CCSER1: variants seen among roughly 807,000 people sequenced by gnomAD.
CCSER1 encodes coiled-coil serine rich protein 1.
CCSER1 carries 41 observed loss-of-function variants against 82.0 expected under a neutral mutation model. That is an observed-to-expected ratio of 0.50 (90% confidence interval 0.39 to 0.65). The LOEUF (loss-of-function observed/expected upper bound fraction) is 0.65, where lower values mean the gene tolerates loss of function less well. Among genes scored for constraint, CCSER1 ranks in the 30% least tolerant of loss-of-function variants. CCSER1 has a pLI of 0.00. For synonymous variants in CCSER1, 414 were observed against 383.9 expected (o/e 1.08, Z -0.92); for missense variants, 1,119 against 1,064.2 (o/e 1.05, Z -0.72).
At chr4:91,353,558 A>G (rs1748623755) in intron 10 of CCSER1, among the ~76,000 whole-genome samples, 1 of 152,236 alleles carries the variant, frequency 6.6e-6, no homozygotes, top group Non-Finnish European at 1.5e-5. Context: ...TGAGTATACA[A>G]CAATATAAAA....
rs543337859 is a variant in CCSER1, at chr4:90,774,916, C to T, written c.2011-40846C>T. On this transcript the variant is annotated intron_variant, in intron 7 of 10. Coordinates refer to ENST00000509176, the MANE Select transcript of CCSER1 (RefSeq NM_001145065.2). ...GACCTGTAGGTAAGAGTACAATCCT[C>T]AGCCTTAAAAATGGACAGCTATCAT... is the stretch of plus-strand genomic sequence containing the variant. Among the ~76,000 whole-genome samples, 7 of 152,262 alleles carry T rather than the reference C, an allele frequency of 4.6e-5. No homozygotes were observed. The East Asian group carries it at 1.2e-3, about 25-fold the overall frequency.
At chr4:91,421,958 G>A (rs952970268) in intron 10 of CCSER1, among the ~76,000 whole-genome samples, 1 of 152,056 alleles carries the variant, frequency 6.6e-6, no homozygotes, top group Non-Finnish European at 1.5e-5. Flanking sequence ...GCAAGCTTTA[G>A]AAGCTTAGAT....
chr4:91,399,916 C>T (rs952154010), intron 10 of CCSER1, among the ~76,000 whole-genome samples: 2 of 151,884 alleles, frequency 1.3e-5, no homozygotes, highest in East Asian at 1.9e-4. Context: ...CATCACTTTC[C>T]TATTTTTATA....
intron 9 of CCSER1, among the ~76,000 whole-genome samples, chr4:91,021,146 A>C (rs1174411301): frequency 6.6e-6 from 1 of 152,162 alleles, no homozygotes; most frequent in Non-Finnish European, 1.5e-5. Flanking sequence ...AGAAATTTTA[A>C]AATTTCTCAT....
At chr4:90,620,797 C>A (rs942812027) in intron 5 of CCSER1, among the ~76,000 whole-genome samples, 2 of 151,974 alleles carry the variant, frequency 1.3e-5, no homozygotes, top group African/African-American at 4.8e-5. Flanking sequence ...ACAATGACCT[C>A]TTTTCTTTTC....
chr4:90,449,701 C>A (rs1330914513), intron 4 of CCSER1, among the ~76,000 whole-genome samples: 1 of 152,242 alleles, frequency 6.6e-6, no homozygotes, highest in Non-Finnish European at 1.5e-5. Context: ...AGTTGTCAGG[C>A]TTGGCAACAA....
rs374701663 is a variant in CCSER1 at position 90,628,006 on chromosome 4, T to C, written c.1725-19T>C. On this transcript the variant is annotated intron_variant, in intron 5 of 10. Coordinates refer to ENST00000509176, the MANE Select transcript of CCSER1 (RefSeq NM_001145065.2). ...GCATGCTGCACTGTAATTTTTGTTC[T>C]TTTTTTTTTTCTTGTTAGGAATCTT... is the stretch of plus-strand genomic sequence containing the variant. The C allele has an allele frequency of 9.7e-6, 3 of 310,650 alleles. No homozygotes were observed. Among genetic ancestry groups the C allele is most frequent in the Non-Finnish European group, 1.2e-5 (3 of 245,192 alleles). 19.2% of individuals were successfully genotyped at this position (310,650 alleles called of 1,614,324 possible).
chr4:90,825,746 T>G (rs1760346497), intron 8 of CCSER1, among the ~76,000 whole-genome samples: 1 of 142,932 alleles, frequency 7.0e-6, no homozygotes, highest in African/African-American at 2.8e-5. Context: ...TTTTTTTTTT[T>G]TTGAGATGGA....
At chr4:90,621,661 A>G (rs1031756698) in intron 5 of CCSER1, among the ~76,000 whole-genome samples, 3 of 152,230 alleles carry the variant, frequency 2.0e-5, no homozygotes, top group Admixed American at 6.5e-5. Flanking sequence ...TTGCATGCCT[A>G]CTTATTGGAA....
chr4:91,389,609 C>T (rs964034773), intron 10 of CCSER1, among the ~76,000 whole-genome samples: 10 of 151,534 alleles, frequency 6.6e-5, no homozygotes, highest in African/African-American at 1.9e-4. Flanking sequence ...TTGTAAATAT[C>T]GACAAAACAA....
In CCSER1 at chr4:90,144,528, A is replaced by G. The variant is rs545192523; in HGVS notation, c.-42+16697A>G. On this transcript the variant is annotated intron_variant, in intron 1 of 10. Transcript: ENST00000509176. ...GTGGACTCAAATTTACTCAATGCAC[A>G]CAGTAAACAGCTGAGTAAACTCCTG... 5.9e-5 allele frequency among the ~76,000 whole-genome samples: 9 copies of G among 152,330 alleles called. No homozygotes were observed. The East Asian group carries it at 1.5e-3, about 26-fold the overall frequency.
intron 1 of CCSER1, among the ~76,000 whole-genome samples, chr4:90,276,337 CTTCTTTCTTTCT>C (rs1305306030): frequency 9.3e-6 from 1 of 107,904 alleles, no homozygotes; most frequent in African/African-American, 3.9e-5. Context: ...TTCTTTCTTT[CTTCTTTCTTTCT>C]TTTTTTTTTT....
chr4:91,473,354 A>G (rs954317717), intron 10 of CCSER1, among the ~76,000 whole-genome samples: 2 of 152,206 alleles, frequency 1.3e-5, no homozygotes, highest in African/African-American at 4.8e-5. Flanking sequence ...ATCATTTCTC[A>G]TAAAGTATTC....
At chr4:90,519,230 G>GT (rs916352505) in intron 5 of CCSER1, among the ~76,000 whole-genome samples, 5 of 151,640 alleles carry the variant, frequency 3.3e-5, no homozygotes, top group African/African-American at 1.2e-4. Context: ...GAATAATATA[G>GT]TTTTTTATTA....
chr4:91,464,524 G>A (rs1461084668), intron 10 of CCSER1, among the ~76,000 whole-genome samples: 1 of 152,148 alleles, frequency 6.6e-6, no homozygotes, highest in Non-Finnish European at 1.5e-5. Context: ...AAATGTAAAT[G>A]GGCTAAATGC....
At chr4:91,058,814 C>A (rs1195766420) in intron 9 of CCSER1, among the ~76,000 whole-genome samples, 2 of 151,994 alleles carry the variant, frequency 1.3e-5, no homozygotes, top group African/African-American at 2.4e-5. Context: ...GTAACTTGCT[C>A]AGGTTTATAT....
intron 7 of CCSER1, among the ~76,000 whole-genome samples, chr4:90,795,636 A>G (rs1755901735): frequency 6.6e-6 from 1 of 152,204 alleles, no homozygotes; most frequent in Non-Finnish European, 1.5e-5. Flanking sequence ...TGGGTTTGTC[A>G]TAGATGGCTC....
intron 5 of CCSER1, among the ~76,000 whole-genome samples, chr4:90,496,772 A>T (rs1366533714): frequency 2.0e-5 from 3 of 152,098 alleles, no homozygotes; most frequent in African/African-American, 7.2e-5. Context: ...AGGTCAAGAG[A>T]TCAAGACCAT....
At chr4:90,816,134 G>C (rs1245521631) in intron 8 of CCSER1, among the ~76,000 whole-genome samples, 1 of 152,104 alleles carries the variant, frequency 6.6e-6, no homozygotes, top group African/African-American at 2.4e-5. Context: ...TGAAGGCTTA[G>C]GCCACATTGT....
Sources: allele counts gnomAD v4.1 joint callset (sites outside exome capture counted in the v4.1 genomes callset), GRCh38; gene constraint gnomAD v4.1.1; transcripts MANE v1.5; gene names NCBI Gene and HGNC (gene_info 2026-07-23, HGNC 2026-07-21).